Variants in DNAH11 observed in about 807,000 individuals in gnomAD.
DNAH11 encodes axonemal beta dynein heavy chain 11.
DNAH11 carries 442 observed loss-of-function variants against 526.0 expected under a neutral mutation model. The observed-to-expected ratio is 0.84, with a 90% CI of 0.78 to 0.91. The LOEUF (loss-of-function observed/expected upper bound fraction) is 0.91, where lower values mean the gene tolerates loss of function less well. Among genes scored for constraint, DNAH11 ranks in the 40% least tolerant of loss-of-function variants. The pLI is 0.00. For missense variants in DNAH11, 6,989 were observed against 5,448.7 expected (o/e 1.28, Z -8.90); for synonymous variants, 2,461 against 1,935.9 (o/e 1.27, Z -7.12).
rs74694825 is a variant in DNAH11, at chr7:21,660,564, C to T, written c.5328+1533C>T. On this transcript the variant is annotated intron_variant, in intron 30 of 81. Coordinates refer to ENST00000409508, the MANE Select transcript of DNAH11 (RefSeq NM_001277115.2). ...AAAGATGATAAAGAAAATACAGTCA[C>T]AGAAAATGAAAAGAAGGGACATAAC... Among the ~76,000 whole-genome samples, 1,266 of 151,818 alleles carry T rather than the reference C, an allele frequency of 8.3e-3. 47 individuals are homozygous for T. The South Asian group carries it at 0.089, about 11-fold the overall frequency.
At chr7:21,555,127 G>A (rs976105250) in intron 2 of DNAH11, among the ~76,000 whole-genome samples, 1 of 152,030 alleles carries the variant, frequency 6.6e-6, no homozygotes, top group Non-Finnish European at 1.5e-5. Flanking sequence ...ATCCAGCAGA[G>A]AGTGTAGCCC....
At chr7:21,829,110 A>G (rs1790438475) in intron 65 of DNAH11, among the ~76,000 whole-genome samples, 2 of 152,054 alleles carry the variant, frequency 1.3e-5, no homozygotes, top group African/African-American at 4.8e-5. Flanking sequence ...TGCACTCTTG[A>G]CTGTAGCTGT....
intron 60 of DNAH11, among the ~76,000 whole-genome samples, chr7:21,788,811 T>A (rs1341667735): frequency 1.3e-5 from 2 of 152,242 alleles, no homozygotes; most frequent in African/African-American, 4.8e-5. Flanking sequence ...TCTAGTAATA[T>A]GAGGCGTATC....
chr7:21,763,966 A>T (rs1229836887), intron 54 of DNAH11, among the ~76,000 whole-genome samples: 1 of 151,998 alleles, frequency 6.6e-6, no homozygotes, highest in African/African-American at 2.4e-5. Flanking sequence ...GATTCTGCTT[A>T]TGCGCAGTAT....
At chr7:21,896,569 G>C (rs1442034101) in intron 79 of DNAH11, among the ~76,000 whole-genome samples, 1 of 152,186 alleles carries the variant, frequency 6.6e-6, no homozygotes, top group East Asian at 1.9e-4. Flanking sequence ...TCATAAATGT[G>C]AGATTCCATC....
chr7:21,716,758 T>G (rs184573330), intron 42 of DNAH11, among the ~76,000 whole-genome samples: 21 of 152,338 alleles, frequency 1.4e-4, no homozygotes. Context: ...AGGCTACTCT[T>G]ATGCAATTGG....
At chr7:21,771,765 C>G (rs1349775559) in intron 55 of DNAH11, among the ~76,000 whole-genome samples, 1 of 152,042 alleles carries the variant, frequency 6.6e-6, no homozygotes, top group Non-Finnish European at 1.5e-5. Flanking sequence ...CCTCACGTCT[C>G]TCAAAGTGAA....
intron 63 of DNAH11, among the ~76,000 whole-genome samples, chr7:21,809,223 G>C (rs566388723): frequency 6.6e-6 from 1 of 152,124 alleles, no homozygotes; most frequent in East Asian, 1.9e-4. Flanking sequence ...TCCATTTTAC[G>C]ATCAAGTTTT....
chr7:21,569,994 T>C (rs1562668011), intron 6 of DNAH11, 75 bp from the exon 7 acceptor site: 1 of 1,217,678 alleles, frequency 8.2e-7, no homozygotes, highest in East Asian at 2.6e-5. Flanking sequence ...AAAATGATTC[T>C]TTGAAACAGA....
At chr7:21,662,296 G>T (rs141612683) in intron 30 of DNAH11, among the ~76,000 whole-genome samples, 2 of 152,172 alleles carry the variant, frequency 1.3e-5, no homozygotes, top group African/African-American at 4.8e-5. Flanking sequence ...AAAGCTGAAA[G>T]AATTTTGTAA....
At chr7:21,689,390 G>A (rs1783516675) in intron 34 of DNAH11, among the ~76,000 whole-genome samples, 1 of 152,146 alleles carries the variant, frequency 6.6e-6, no homozygotes, top group Non-Finnish European at 1.5e-5. Context: ...TCTTATTTTA[G>A]CCCATATGCA....
intron 24 of DNAH11, 30 bp from the exon 25 acceptor site, chr7:21,619,926 G>C: frequency 2.1e-6 from 3 of 1,431,756 alleles, no homozygotes; most frequent in Non-Finnish European, 2.8e-6. Context: ...ATTAAATTTT[G>C]TGCACATTAA....
intron 3 of DNAH11, 145 bp downstream of exon 3, chr7:21,559,143 G>C: frequency 1.6e-6 from 1 of 617,646 alleles, no homozygotes; most frequent in Non-Finnish European, 2.7e-6. Context: ...GGGCAGCATA[G>C]TGAGATCTCA....
chr7:21,735,638 A>G lies in DNAH11; in HGVS notation c.7441-2A>G. 6.3e-7 allele frequency: 1 copy of G among 1,575,032 alleles called. No individual in the cohort carries two copies. Among genetic ancestry groups the G allele is most frequent in the Non-Finnish European group, 8.6e-7 (1 of 1,158,692 alleles). On this transcript the variant is annotated splice_acceptor_variant, in intron 45 of 81. Transcript: ENST00000409508. LOFTEE classifies it high-confidence loss of function. ...TTTGTCTCATTCTGTTTCTCCTCCC[A>G]GACAGTTCTCGTTCACACAACAGAG...
chr7:21,616,544 A>G (rs1174442175), intron 22 of DNAH11, among the ~76,000 whole-genome samples: 3 of 152,144 alleles, frequency 2.0e-5, no homozygotes, highest in East Asian at 3.9e-4. Flanking sequence ...TGAGCTTCCT[A>G]CAGCTTCCTA....
intron 29 of DNAH11, among the ~76,000 whole-genome samples, chr7:21,658,405 C>T (rs868448435): frequency 4.2e-4 from 64 of 152,140 alleles, no homozygotes; most frequent in African/African-American, 1.4e-3. Flanking sequence ...GAATATGACT[C>T]ATACCTCTAT....
At chr7:21,873,091 C>CG (rs1554291177) in intron 73 of DNAH11, among the ~76,000 whole-genome samples, 183 bp from the exon 74 acceptor site, 102 of 132,990 alleles carry the variant, frequency 7.7e-4, no homozygotes, top group African/African-American at 2.7e-3. Context: ...TCCCTTTTGG[C>CG]TTTTTTTTTT....
intron 30 of DNAH11, among the ~76,000 whole-genome samples, chr7:21,676,515 G>C (rs1305331773): frequency 6.6e-6 from 1 of 152,130 alleles, no homozygotes; most frequent in Non-Finnish European, 1.5e-5. Flanking sequence ...ACTTACAAAA[G>C]AGTATCATCA....
intron 48 of DNAH11, among the ~76,000 whole-genome samples, chr7:21,740,730 G>T (rs1483881921): frequency 6.6e-6 from 1 of 152,144 alleles, no homozygotes; most frequent in Non-Finnish European, 1.5e-5. Context: ...ATTCTTTGGG[G>T]TGTACACCCA....
Sources: gnomAD v4.1 joint callset for allele counts (sites outside exome capture counted in the v4.1 genomes callset) on GRCh38, gnomAD v4.1.1 for gene constraint, MANE v1.5 for transcripts, NCBI Gene and HGNC (gene_info 2026-07-23, HGNC 2026-07-21) for gene names.